Variants in PSD2 observed in about 807,000 individuals in gnomAD.
The protein encoded by PSD2 is PH and SEC7 domain-containing protein 2.
A neutral mutation model predicts 69.8 loss-of-function variants in PSD2; 38 were observed. That is an observed-to-expected ratio of 0.54 (90% CI 0.42 to 0.71). The LOEUF (loss-of-function observed/expected upper bound fraction) is 0.71, where lower values mean the gene tolerates loss of function less well. PSD2 is among the 30% of genes least tolerant of loss of function. The pLI is 0.00. For missense variants in PSD2, 943 were observed against 1,014.5 expected, an observed-to-expected ratio of 0.93 and a Z score of 0.96; for synonymous variants, 412 against 423.0, an observed-to-expected ratio of 0.97 and a Z score of 0.32.
chr5:139,759,240 T>A, the PSD2 span, among the ~76,000 whole-genome samples: 2 of 152,094 alleles, frequency 1.3e-5, no homozygotes, highest in African/African-American at 4.8e-5. Context: ...ACACCGCAGA[T>A]CCCAGCTGCC....
In PSD2 at chr5:139,817,508, G is replaced by C; in HGVS notation, c.1044G>C (p.Gly348=). The C allele has an allele frequency of 6.2e-7, 1 of 1,614,166 alleles. No individual in the cohort carries two copies. Among genetic ancestry groups the C allele is most frequent in the Non-Finnish European group, 8.5e-7 (1 of 1,180,034 alleles). Residue 348 remains glycine, a synonymous_variant, in exon 5 of 15, where the codon GGG becomes GGC. Coordinates refer to ENST00000274710, the MANE Select transcript of PSD2 (RefSeq NM_032289.4). ...KNNEFSRLVA[G]EYLSFFDFSG... The stretch of plus-strand genomic sequence containing the variant: ...ACGAGTTTAGCAGGCTGGTGGCCGG[G>C]GAGTACCTCAGTTTCTTCGACTTCT...
chr5:139,787,092 T>C, the PSD2 span, among the ~76,000 whole-genome samples: 1 of 151,436 alleles, frequency 6.6e-6, no homozygotes, highest in Non-Finnish European at 1.5e-5. Context: ...GCCCCAGTGG[T>C]CTTCCCAAGT....
the PSD2 span, among the ~76,000 whole-genome samples, chr5:139,762,502 A>G: frequency 1.3e-5 from 2 of 152,204 alleles, no homozygotes; most frequent in African/African-American, 4.8e-5. Context: ...CACAATGCCT[A>G]TCTAAGTAAA....
chr5:139,789,120 T>A, the PSD2 span, among the ~76,000 whole-genome samples: 2 of 152,178 alleles, frequency 1.3e-5, no homozygotes, highest in Non-Finnish European at 2.9e-5. Context: ...CCTGTCAGGG[T>A]TGCGGCCCAG....
At chr5:139,797,991 C>A (rs1759571128) in intron 1 of PSD2, among the ~76,000 whole-genome samples, 1 of 151,356 alleles carries the variant, frequency 6.6e-6, no homozygotes, top group South Asian at 2.1e-4. Flanking sequence ...AAGGCATTCC[C>A]ATTCCGGACG....
chr5:139,766,912 C>CTCTCTTT, the PSD2 span, among the ~76,000 whole-genome samples: 1 of 64,774 alleles, frequency 1.5e-5, no homozygotes, highest in Admixed American at 1.5e-4. Flanking sequence ...TCCCTCCCTT[C>CTCTCTTT]CTTCCTTCCT....
At position 139,813,668 on chromosome 5, in the gene PSD2, C is replaced by G; in HGVS notation, c.731C>G (p.Pro244Arg). Residue 244 changes from proline to arginine, a missense_variant, in exon 3 of 15, where the codon CCC (proline) becomes CGC (arginine). Physicochemically the swap from Pro to Arg is moderately radical, Grantham distance 103. Coordinates refer to ENST00000274710, the MANE Select transcript of PSD2 (RefSeq NM_032289.4). Reference protein sequence around the residue: ...VLSRLSLMAMPNGFHEDGPQG... With the variant: ...VLSRLSLMAMRNGFHEDGPQG... Reference sequence around the variant, plus strand: ...AGCCGCCTGTCTCTCATGGCCATGCCCAATGGATTCCATGAAGATGGCCCT... The same window carrying G: ...AGCCGCCTGTCTCTCATGGCCATGCGCAATGGATTCCATGAAGATGGCCCT... The G allele has an allele frequency of 1.9e-6, 3 of 1,613,802 alleles. No homozygotes were observed. The highest frequency in any genetic ancestry group is 8.5e-7 in the Non-Finnish European group (1 of 1,179,924).
chr5:139,840,223 C>T, intron 14 of PSD2, 53 bp downstream of exon 14: 3 of 1,594,628 alleles, frequency 1.9e-6, no homozygotes, highest in Non-Finnish European at 2.6e-6. Flanking sequence ...CTTTCTCCTT[C>T]CTGCCTGGCC....
At chr5:139,747,847 T>C in the PSD2 span, among the ~76,000 whole-genome samples, 10 of 152,202 alleles carry the variant, frequency 6.6e-5, no homozygotes, top group Middle Eastern at 3.4e-3. The surrounding 1 kb of genome is among the most constrained non-coding windows in gnomAD (Gnocchi z 6.7). Context: ...GGAGGGGGTG[T>C]AGGGGGAGGC....
chr5:139,746,806 G>A, the PSD2 span, among the ~76,000 whole-genome samples: 2 of 152,194 alleles, frequency 1.3e-5, no homozygotes, highest in African/African-American at 2.4e-5. This position sits in a 1 kb window ranked among gnomAD's most constrained non-coding sequence, Gnocchi z 4.5. Context: ...GCCGAGGCGG[G>A]CAAGTGGCGT....
chr5:139,805,551 T>C (rs1759783283), intron 1 of PSD2, among the ~76,000 whole-genome samples: 1 of 152,118 alleles, frequency 6.6e-6, no homozygotes, highest in African/African-American at 2.4e-5. Flanking sequence ...AGTAAACACA[T>C]AGAAAAGGGA....
At chr5:139,762,799 C>G in the PSD2 span, among the ~76,000 whole-genome samples, 4 of 152,066 alleles carry the variant, frequency 2.6e-5, no homozygotes, top group Non-Finnish European at 5.9e-5. Flanking sequence ...GATGGCAGGA[C>G]AGGAGGCCTG....
chr5:139,761,148 C>T, the PSD2 span, among the ~76,000 whole-genome samples: 1 of 152,182 alleles, frequency 6.6e-6, no homozygotes, highest in Non-Finnish European at 1.5e-5. Context: ...GTCCCTGCTG[C>T]GTGCCAGGCC....
In PSD2 at chr5:139,799,843, A is replaced by G. The variant is rs144418500; in HGVS notation, c.-51+3868A>G. Among the ~76,000 whole-genome samples, 497 of 152,146 alleles carry G rather than the reference A, an allele frequency of 3.3e-3. 13 individuals are homozygous for G. The highest frequency in any genetic ancestry group is 0.03 in the Admixed American group (459 of 15,284). ...CAGAACGGACAGGCCCTTGTGTCTG[A>G]CTAGAGATAGGGAGAGTGGGAAGGA... On this transcript the variant is annotated intron_variant, in intron 1 of 14. Coordinates refer to ENST00000274710, the MANE Select transcript of PSD2 (RefSeq NM_032289.4).
chr5:139,821,967 G>C lies in PSD2; in HGVS notation c.1172G>C (p.Arg391Pro), dbSNP rs777191708. The C allele has an allele frequency of 6.2e-7, 1 of 1,609,746 alleles. No homozygotes were observed. Among genetic ancestry groups the C allele is most frequent in the South Asian group, 1.1e-5 (1 of 90,246 alleles). The change falls in exon 6 of 15, where the codon CGG (arginine) becomes CCG (proline). Residue 391 changes from arginine to proline, a missense_variant. Physicochemically the swap from Arg to Pro is moderately radical, Grantham distance 103. Transcript: ENST00000274710. ...RERVLTHFSRRYCQCNPDDST... is the reference protein window; with the variant it reads ...RERVLTHFSRPYCQCNPDDST... ...CGGGTCCTCACACACTTCTCCCGCC[G>C]GTACTGCCAGTGCAACCCTGATGAC...
the PSD2 span, among the ~76,000 whole-genome samples, chr5:139,778,945 C>CAAAAAAAAAAAAAA: frequency 4.0e-5 from 4 of 99,890 alleles, no homozygotes; most frequent in South Asian, 3.4e-4. Context: ...AGAAAAAAAA[C>CAAAAAAAAAAAAAA]AAAAAAAAAA....
At chr5:139,784,314 G>C in the PSD2 span, among the ~76,000 whole-genome samples, 1 of 151,856 alleles carries the variant, frequency 6.6e-6, no homozygotes, top group Non-Finnish European at 1.5e-5. Flanking sequence ...CGACTCCTGT[G>C]GTGACCTCAC....
chr5:139,844,006 T>C lies in PSD2; in HGVS notation c.*1532T>C, dbSNP rs1760939317. The C allele has an allele frequency of 6.6e-6, 1 of 152,246 alleles. No homozygotes were observed. The highest frequency in any genetic ancestry group is 1.5e-5 in the Non-Finnish European group (1 of 68,040). The allele number at this position is 152,246 out of a possible 1,614,324, so 9.4% of individuals were successfully genotyped here. A position where few individuals can be genotyped will look rare whatever the true frequency, so the allele number is the denominator to read the frequency against. ...GGGCTATTGAGTATGTGGAGAGATG[T>C]AGTGATTTAAATTCAGATTATTTAA... On this transcript the variant is annotated 3_prime_UTR_variant, in exon 15 of 15. Transcript: ENST00000274710.
the PSD2 span, among the ~76,000 whole-genome samples, chr5:139,762,375 C>T: frequency 6.6e-6 from 1 of 151,976 alleles, no homozygotes; most frequent in South Asian, 2.1e-4. Flanking sequence ...CAGGGTCTTG[C>T]TCTGTTGCCC....
Sources: gnomAD v4.1 joint callset for allele counts (sites outside exome capture counted in the v4.1 genomes callset) on GRCh38, gnomAD v4.1.1 for gene constraint, Gnocchi (gnomAD v3.1) non-coding constraint, MANE v1.5 for transcripts, NCBI Gene and HGNC (gene_info 2026-07-23, HGNC 2026-07-21) for gene names.